FBLN7: variants seen among roughly 807,000 people sequenced by gnomAD.
The protein encoded by FBLN7 is fibulin-7.
Under a neutral mutation model 44.0 loss-of-function variants are expected in FBLN7, and 31 were observed. That is an observed-to-expected ratio of 0.70 (90% CI 0.53 to 0.95). The LOEUF is 0.95. Ranked by LOEUF, FBLN7 falls within the 40% of genes least tolerant of loss-of-function variation. The pLI is 0.00. For missense variants in FBLN7, 573 were observed against 618.5 expected, an observed-to-expected ratio of 0.93 and a Z score of 0.78; for synonymous variants, 262 against 253.4, an observed-to-expected ratio of 1.03 and a Z score of -0.32.
the FBLN7 span, among the ~76,000 whole-genome samples, chr2:112,223,797 C>T: frequency 1.1e-4 from 16 of 152,054 alleles, no homozygotes; most frequent in African/African-American, 3.6e-4. Context: ...AATGTAACTA[C>T]GAAACTGCAG....
the FBLN7 span, among the ~76,000 whole-genome samples, chr2:112,243,549 G>A: frequency 6.6e-6 from 1 of 152,064 alleles, no homozygotes; most frequent in Admixed American, 6.5e-5. Flanking sequence ...CAGTAACTTT[G>A]AACCCCAATT....
the FBLN7 span, chr2:112,215,284 G>A: frequency 6.6e-6 from 1 of 152,102 alleles, no homozygotes; most frequent in Admixed American, 6.5e-5. Flanking sequence ...CCCACCTCCC[G>A]AGCCACAGCT....
At chr2:112,195,012 A>G in the FBLN7 span, among the ~76,000 whole-genome samples, 1 of 152,186 alleles carries the variant, frequency 6.6e-6, no homozygotes, top group Non-Finnish European at 1.5e-5. Flanking sequence ...GTCAAGACCA[A>G]TTCATGGAGA....
At chr2:112,205,078 G>A in the FBLN7 span, among the ~76,000 whole-genome samples, 1 of 152,008 alleles carries the variant, frequency 6.6e-6, no homozygotes, top group Non-Finnish European at 1.5e-5. Context: ...TATTGGAACA[G>A]GTTTTCACTG....
At chr2:112,203,915 T>G in the FBLN7 span, among the ~76,000 whole-genome samples, 2 of 152,132 alleles carry the variant, frequency 1.3e-5, no homozygotes, top group African/African-American at 4.8e-5. Flanking sequence ...TGATTCAAAT[T>G]ATCTCCCACC....
the FBLN7 span, among the ~76,000 whole-genome samples, chr2:112,236,046 C>A: frequency 6.6e-6 from 1 of 151,812 alleles, no homozygotes; most frequent in Non-Finnish European, 1.5e-5. Flanking sequence ...GGTGGATCAC[C>A]TGAGGTCAGG....
chr2:112,190,963 GT>G, downstream of FBLN7, among the ~76,000 whole-genome samples: 1 of 152,200 alleles, frequency 6.6e-6, no homozygotes, highest in Middle Eastern at 3.4e-3. Flanking sequence ...ACTACTGTGG[GT>G]TTTTTGTTAG....
At chr2:112,198,838 C>G in the FBLN7 span, among the ~76,000 whole-genome samples, 2 of 152,024 alleles carry the variant, frequency 1.3e-5, no homozygotes, top group Non-Finnish European at 2.9e-5. Context: ...TATTAGTCAC[C>G]CAGCCTAAGG....
chr2:112,200,523 TTTTG>T, the FBLN7 span, among the ~76,000 whole-genome samples: 1 of 152,118 alleles, frequency 6.6e-6, no homozygotes, highest in Non-Finnish European at 1.5e-5. Context: ...AAATGGTTTT[TTTTG>T]TTTGTTTTTT....
chr2:112,236,671 A>G, the FBLN7 span: 1 of 1,612,290 alleles, frequency 6.2e-7, no homozygotes, highest in Non-Finnish European at 8.5e-7. Context: ...ACCAGCTTTA[A>G]GATTTTTATT....
chr2:112,219,015 T>C, the FBLN7 span, among the ~76,000 whole-genome samples: 1 of 152,214 alleles, frequency 6.6e-6, no homozygotes, highest in Non-Finnish European at 1.5e-5. Flanking sequence ...TGTTAAGATG[T>C]TATTACTACC....
In FBLN7 at chr2:112,138,931, C is replaced by CGCCAGTGTCCCTCCCGCCTCTCTCCAG. The variant is rs2104527015; in HGVS notation, c.75+207_75+233dup. Among the ~76,000 whole-genome samples, 2 of 116,038 alleles carry CGCCAGTGTCCCTCCCGCCTCTCTCCAG rather than the reference C, an allele frequency of 1.7e-5. 1 individual carries two copies. Among genetic ancestry groups the CGCCAGTGTCCCTCCCGCCTCTCTCCAG allele is most frequent in the African/African-American group, 6.7e-5 (2 of 29,676 alleles). 76.1% of individuals were successfully genotyped at this position (116,038 alleles called of 152,430 possible). On this transcript the variant is annotated intron_variant, in intron 1 of 7. Coordinates refer to ENST00000331203, the MANE Select transcript of FBLN7 (RefSeq NM_153214.3). ...CCCCTGTCCCGCGCGCCTCTCTCCA[C>CGCCAGTGTCCCTCCCGCCTCTCTCCAG]GCCAGTGTCCCTCCCGCCTCTCTCC...
chr2:112,244,407 T>C, the FBLN7 span, among the ~76,000 whole-genome samples: 1 of 152,104 alleles, frequency 6.6e-6, no homozygotes, highest in African/African-American at 2.4e-5. Context: ...AACCAACAGC[T>C]AGAAAATGAT....
intron 4 of FBLN7, among the ~76,000 whole-genome samples, chr2:112,178,430 A>G (rs1233374495): frequency 6.6e-6 from 1 of 152,154 alleles, no homozygotes; most frequent in East Asian, 1.9e-4. Context: ...TGTACAAAGA[A>G]GAGCTGGTAC....
At chr2:112,234,381 G>A in the FBLN7 span, 1 of 591,466 alleles carries the variant, frequency 1.7e-6, no homozygotes, top group South Asian at 2.3e-5. Flanking sequence ...TTGGATTTCT[G>A]TACACCAGGT....
the FBLN7 span, among the ~76,000 whole-genome samples, chr2:112,197,302 G>GAGAGAC: frequency 6.7e-6 from 1 of 149,362 alleles, no homozygotes; most frequent in Non-Finnish European, 1.5e-5. Context: ...GAGAGAGAGA[G>GAGAGAC]AGAGACAGAG....
At chr2:112,212,276 C>T in the FBLN7 span, 1 of 152,236 alleles carries the variant, frequency 6.6e-6, no homozygotes, top group South Asian at 2.1e-4. Flanking sequence ...TCCCAAAGGC[C>T]CTACCTCCTA....
intron 4 of FBLN7, among the ~76,000 whole-genome samples, chr2:112,181,352 TACAC>T (rs755506333): frequency 7.9e-5 from 12 of 151,790 alleles, no homozygotes; most frequent in South Asian, 2.1e-4. Context: ...AAATAAAGAA[TACAC>T]ACACACACAC....
chr2:112,175,480 G>C (rs1329228766), intron 3 of FBLN7, among the ~76,000 whole-genome samples: 2 of 152,262 alleles, frequency 1.3e-5, no homozygotes, highest in South Asian at 2.1e-4. Context: ...GGTGGGCAGT[G>C]TGTGCCTGGG....
Sources: allele counts gnomAD v4.1 joint callset (sites outside exome capture counted in the v4.1 genomes callset), GRCh38; gene constraint gnomAD v4.1.1; transcripts MANE v1.5; gene names NCBI Gene and HGNC (gene_info 2026-07-23, HGNC 2026-07-21).